Variants in CLASP2 observed in about 807,000 individuals in gnomAD.
CLASP2 encodes the protein cytoplasmic linker associated protein 2.
In CLASP2, 47 loss-of-function variants were observed where a neutral mutation model predicts 194.4. The ratio of observed to expected loss-of-function variants is 0.24; its 90% CI spans 0.19 to 0.31. The LOEUF (loss-of-function observed/expected upper bound fraction) is 0.31. CLASP2 is among the 10% of genes least tolerant of loss of function. The pLI, the probability that CLASP2 is intolerant of heterozygous loss-of-function variation, is 1.00. For missense variants in CLASP2, 1,445 were observed against 1,823.6 expected (o/e 0.79, Z 3.78); for synonymous variants, 619 against 633.5 (o/e 0.98, Z 0.34).
At chr3:33,670,792 G>A (rs569620064) in intron 6 of CLASP2, among the ~76,000 whole-genome samples, 1 of 152,288 alleles carries the variant, frequency 6.6e-6, no homozygotes, top group South Asian at 2.1e-4. Flanking sequence ...GGTGCAGAGG[G>A]AGATCACACT....
intron 21 of CLASP2, among the ~76,000 whole-genome samples, chr3:33,591,663 G>A (rs560225416): frequency 2.1e-3 from 323 of 152,286 alleles, no homozygotes; most frequent in Admixed American, 3.5e-3. Context: ...TTACTATTCT[G>A]AAACATAGAA....
intron 7 of CLASP2, among the ~76,000 whole-genome samples, chr3:33,652,709 C>T (rs555830525): frequency 1.3e-5 from 2 of 152,230 alleles, no homozygotes; most frequent in South Asian, 4.1e-4. Context: ...CTAGGTATCT[C>T]CCCCATGGGT....
intron 12 of CLASP2, among the ~76,000 whole-genome samples, chr3:33,613,218 G>A (rs1474378292): frequency 6.6e-6 from 1 of 152,226 alleles, no homozygotes; most frequent in African/African-American, 2.4e-5. Flanking sequence ...GGAAGCAGGA[G>A]TGGAGCAGGC....
chr3:33,551,479 G>A, intron 29 of CLASP2, 84 bp from the exon 30 acceptor site: 1 of 1,370,532 alleles, frequency 7.3e-7, no homozygotes. Flanking sequence ...ATCAGGTGAT[G>A]ATGATGATTT....
intron 1 of CLASP2, 133 bp from the exon 2 acceptor site, chr3:33,697,066 G>A: frequency 6.6e-6 from 4 of 604,192 alleles, no homozygotes; most frequent in South Asian, 2.3e-5. Flanking sequence ...AGTATTCAAG[G>A]GTAAACAGTC....
At position 33,666,735 on chromosome 3, in the gene CLASP2, T is replaced by C. The variant is rs138897343; in HGVS notation, c.645-3220A>G. Among the ~76,000 whole-genome samples the C allele has an allele frequency of 2.6e-5, 4 of 152,342 alleles. No individual in the cohort carries two copies. In the East Asian group the frequency reaches 7.7e-4, roughly 29 times the overall value. On this transcript the variant is annotated intron_variant, in intron 6 of 38. Transcript: ENST00000682230. ...CTTGCATATACAGCCAGGAATGGAA[T>C]TACTAGGTTATATGATAATTCTATG...
Position 33,580,972 on chromosome 3 carries a change from T to C in CLASP2, c.2347+849A>G, listed in dbSNP as rs1238089622. Reference sequence around the variant, plus strand: ...CAGAGCTTGCAGTGAGCCGAGATCGTGCCACTGCACTCCAGTCTGGGTGAC... The same window carrying C: ...CAGAGCTTGCAGTGAGCCGAGATCGCGCCACTGCACTCCAGTCTGGGTGAC... On this transcript the variant is annotated intron_variant, in intron 23 of 38. Coordinates refer to ENST00000682230, the MANE Select transcript of CLASP2 (RefSeq NM_001365631.1). Among the ~76,000 whole-genome samples, 24 of 129,934 alleles carry C rather than the reference T, an allele frequency of 1.8e-4. No homozygotes were observed. The South Asian group carries it at 5.7e-3, about 31-fold the overall frequency. 85.2% of individuals were successfully genotyped at this position (129,934 alleles called of 152,430 possible).
At position 33,560,802 on chromosome 3, in the gene CLASP2, T is replaced by A. The variant is rs781703081; in HGVS notation, c.2930+6A>T. 3 of 1,610,988 alleles carry A rather than the reference T, an allele frequency of 1.9e-6. No individual in the cohort carries two copies. Among genetic ancestry groups the A allele is most frequent in the African/African-American group, 2.7e-5 (2 of 74,660 alleles). On this transcript the variant is annotated splice_donor_region_variant and intron_variant, in intron 28 of 38. Transcript: ENST00000682230. The stretch of plus-strand genomic sequence containing the variant: ...GTTAACTTGAAATATATGAAAAAAA[T>A]ATTACCTTGTAACATCAAGGGCTTT...
At chr3:33,617,513 T>C (rs1213446395) in intron 12 of CLASP2, among the ~76,000 whole-genome samples, 1 of 152,124 alleles carries the variant, frequency 6.6e-6, no homozygotes, top group African/African-American at 2.4e-5. Context: ...TTTGTGTAAC[T>C]GTGAAATTGG....
At chr3:33,507,491 T>A (rs980267484) in intron 37 of CLASP2, among the ~76,000 whole-genome samples, 1 of 152,194 alleles carries the variant, frequency 6.6e-6, no homozygotes, top group African/African-American at 2.4e-5. Flanking sequence ...TTTTAATTTT[T>A]ATTTTTTGGA....
intron 13 of CLASP2, among the ~76,000 whole-genome samples, chr3:33,611,061 T>C (rs963448135): frequency 6.6e-6 from 1 of 152,156 alleles, no homozygotes; most frequent in East Asian, 1.9e-4. Flanking sequence ...CACATACACA[T>C]ACACTTGACA....
intron 26 of CLASP2, among the ~76,000 whole-genome samples, chr3:33,567,105 G>T (rs2154187267): frequency 6.6e-6 from 1 of 152,198 alleles, no homozygotes; most frequent in Middle Eastern, 3.4e-3. Flanking sequence ...GCCAACATTT[G>T]GTTCCAAAGC....
intron 21 of CLASP2, among the ~76,000 whole-genome samples, chr3:33,585,820 CGG>C (rs2067237579): frequency 6.6e-6 from 1 of 151,906 alleles, no homozygotes; most frequent in South Asian, 2.1e-4. Context: ...AAAAAAAACC[CGG>C]TAATTCTATC....
chr3:33,579,382 T>C (rs1265761473), intron 23 of CLASP2, among the ~76,000 whole-genome samples: 1 of 152,200 alleles, frequency 6.6e-6, no homozygotes, highest in African/African-American at 2.4e-5. Flanking sequence ...AGTAGTAGAT[T>C]ATAAAGGTCC....
intron 6 of CLASP2, among the ~76,000 whole-genome samples, chr3:33,674,153 C>A (rs1340334348): frequency 6.6e-6 from 1 of 152,196 alleles, no homozygotes; most frequent in Non-Finnish European, 1.5e-5. Context: ...CTTTTCAGCA[C>A]AACACAACAC....
At chr3:33,537,239 C>G (rs115637109) in intron 33 of CLASP2, among the ~76,000 whole-genome samples, 1 of 152,082 alleles carries the variant, frequency 6.6e-6, no homozygotes. Flanking sequence ...TCCTACTAAT[C>G]TGTTATTGCT....
At chr3:33,557,708 T>C (rs2061202109) in intron 29 of CLASP2, among the ~76,000 whole-genome samples, 1 of 152,242 alleles carries the variant, frequency 6.6e-6, no homozygotes, top group East Asian at 1.9e-4. Flanking sequence ...AGTTAAAAAA[T>C]ATCTATTAAT....
intron 8 of CLASP2, among the ~76,000 whole-genome samples, chr3:33,643,894 GATTTTCT>G (rs2081811656): frequency 6.6e-6 from 1 of 151,940 alleles, no homozygotes; most frequent in South Asian, 2.1e-4. Flanking sequence ...TCAAGACCAT[GATTTTCT>G]CACCAGTTAC....
intron 21 of CLASP2, among the ~76,000 whole-genome samples, chr3:33,585,842 T>C (rs1025071608): frequency 6.6e-6 from 1 of 152,220 alleles, no homozygotes; most frequent in African/African-American, 2.4e-5. Flanking sequence ...CACTATTTTT[T>C]GTTAAGTATA....
Sources: allele counts gnomAD v4.1 joint callset (sites outside exome capture counted in the v4.1 genomes callset), GRCh38; gene constraint gnomAD v4.1.1; transcripts MANE v1.5; gene names NCBI Gene and HGNC (gene_info 2026-07-23, HGNC 2026-07-21).